GABRD: variants seen among roughly 807,000 people sequenced by gnomAD.
GABRD encodes the protein gamma-aminobutyric acid receptor subunit delta.
In GABRD, 25 loss-of-function variants were observed where a neutral mutation model predicts 47.3. That is an observed-to-expected ratio of 0.53 (90% CI 0.39 to 0.74). The LOEUF (loss-of-function observed/expected upper bound fraction) is 0.74. GABRD is among the 30% of genes least tolerant of loss of function. The pLI, the probability that GABRD is intolerant of heterozygous loss-of-function variation, is 0.00. For synonymous variants in GABRD, 314 were observed against 278.8 expected, an observed-to-expected ratio of 1.13 and a Z score of -1.26; for missense variants, 497 against 643.4, an observed-to-expected ratio of 0.77 and a Z score of 2.46.
In GABRD at chr1:2,027,563, GCTTGT is replaced by G; in HGVS notation, c.471-9_471-5del. 1 of 1,611,458 alleles carries G rather than the reference GCTTGT, an allele frequency of 6.2e-7. No individual in the cohort carries two copies. ...CTCACCCCCAAGGCCTCACTGCCAT[GCTTGT>G]CTTGGCAGAATCACCTCCACTGTGG... is the stretch of plus-strand genomic sequence containing the variant. On this transcript the variant is annotated splice_polypyrimidine_tract_variant and intron_variant, in intron 4 of 8. Transcript: ENST00000378585.
intron 1 of GABRD, among the ~76,000 whole-genome samples, chr1:2,023,052 G>A (rs1441039636): frequency 6.6e-6 from 1 of 152,184 alleles, no homozygotes; most frequent in Non-Finnish European, 1.5e-5. Flanking sequence ...ACGCACCTGA[G>A]GATAAAGTGT....
At chr1:2,022,142 C>T (rs1303798044) in intron 1 of GABRD, among the ~76,000 whole-genome samples, 3 of 152,194 alleles carry the variant, frequency 2.0e-5, no homozygotes, top group Non-Finnish European at 4.4e-5. Context: ...CCCAGGGCCA[C>T]CAGGTGAGGC....
At position 2,028,426 on chromosome 1, in the gene GABRD, C is replaced by A. The variant is rs1184551802; in HGVS notation, c.691+134C>A. 9.8e-7 allele frequency: 1 copy of A among 1,018,432 alleles called. No individual in the cohort carries two copies. The highest frequency in any genetic ancestry group is 1.3e-6 in the Non-Finnish European group (1 of 771,874). The allele number at this position is 1,018,432 out of a possible 1,614,324, so 63.1% of individuals were successfully genotyped here. The stretch of plus-strand genomic sequence containing the variant: ...GTTTTCATGCTTTTTAGTCAAGCGC[C>A]CGCAGGCCCCCAGGGCCTCTGGGGA... On this transcript the variant is annotated intron_variant, in intron 6 of 8. Transcript: ENST00000378585. This position sits in a 1 kb window ranked among gnomAD's most constrained non-coding sequence, Gnocchi z 6.4.
chr1:2,023,334 C>T (rs1330019535), intron 1 of GABRD, among the ~76,000 whole-genome samples: 6 of 151,720 alleles, frequency 4.0e-5, no homozygotes, highest in Non-Finnish European at 5.9e-5. Flanking sequence ...GGGTGCTGCA[C>T]GGGGTGGGGC....
chr1:2,030,689 C>G lies in GABRD; in HGVS notation c.*407C>G, dbSNP rs1335808879. Reference sequence around the variant, plus strand: ...ACGTCCATCCGGTGAACAGTGAAGGCGTTTGTGAGGTCTTTCTGGTCCCAG... The same window carrying G: ...ACGTCCATCCGGTGAACAGTGAAGGGGTTTGTGAGGTCTTTCTGGTCCCAG... On this transcript the variant is annotated 3_prime_UTR_variant, in exon 9 of 9. Transcript: ENST00000378585. The G allele has an allele frequency of 5.9e-6, 1 of 168,838 alleles. No individual in the cohort carries two copies. The highest frequency in any genetic ancestry group is 1.3e-5 in the Non-Finnish European group (1 of 79,816). The allele number at this position is 168,838 out of a possible 1,614,324, so 10.5% of individuals were successfully genotyped here.
chr1:2,025,838 C>A, intron 4 of GABRD, 100 bp downstream of exon 4: 1 of 1,056,494 alleles, frequency 9.5e-7, no homozygotes, highest in Non-Finnish European at 1.4e-6. Flanking sequence ...GCGGCTTCTG[C>A]TGCCGGGAGC....
chr1:2,019,476 A>G lies in GABRD; in HGVS notation c.53A>G (p.Gln18Arg). The change falls in exon 1 of 9, where the codon CAG becomes CGG. Residue 18 changes from glutamine (Q) to arginine (R), a missense_variant. Physicochemically the swap from Gln to Arg is conservative, Grantham distance 43. This residue lies in a region of GABRD where 91 missense variants were observed against 85.5 expected (regional missense o/e 1.06). Transcript: ENST00000378585. ...CCGCTCCTGCTCCTCTGCGCGCAGC[A>G]GCTCCGCGGCACCAGGTGAGCGGGC... ...LAPLLLLCAQ[Q>R]LRGTRAMNDI... The G allele has an allele frequency of 1.8e-6, 2 of 1,090,926 alleles. No individual in the cohort carries two copies. Among genetic ancestry groups the G allele is most frequent in the Non-Finnish European group, 2.2e-6 (2 of 900,202 alleles). The allele number at this position is 1,090,926 out of a possible 1,614,324, so 67.6% of individuals were successfully genotyped here.
rs202225187 is a variant in GABRD, at chr1:2,025,744, C to T, written c.470+6C>T. ...GTGATCCTGTACAGCATCCGGTGAG[C>T]GGGCTGCCCACCCGGACTCCGGGGG... On this transcript the variant is annotated splice_donor_region_variant and intron_variant, in intron 4 of 8. Coordinates refer to ENST00000378585, the MANE Select transcript of GABRD (RefSeq NM_000815.5). 1,407 of 1,609,530 alleles carry T rather than the reference C, an allele frequency of 8.7e-4. 1 individual carries two copies. The highest frequency in any genetic ancestry group is 1.1e-3 in the Non-Finnish European group (1,351 of 1,177,362).
At chr1:2,022,828 C>G (rs530154391) in intron 1 of GABRD, among the ~76,000 whole-genome samples, 92 of 152,358 alleles carry the variant, frequency 6.0e-4, no homozygotes, top group African/African-American at 2.0e-3. Context: ...CTCCAGCTGG[C>G]TCCTGCCAGA....
At chr1:2,026,648 A>G (rs1396348689) in intron 4 of GABRD, 1 of 152,046 alleles carries the variant, frequency 6.6e-6, no homozygotes, top group African/African-American at 2.4e-5. Flanking sequence ...ATCCTGGCCA[A>G]CATGGTGAAA....
intron 7 of GABRD, 123 bp from the exon 8 acceptor site, chr1:2,029,428 C>G (rs1011987771): frequency 1.4e-6 from 2 of 1,417,452 alleles, no homozygotes; most frequent in African/African-American, 2.8e-5. Context: ...ACAGGACCTG[C>G]TCCCTGGGGT....
Position 2,028,306 on chromosome 1 carries a change from G to A in GABRD, c.691+14G>A, listed in dbSNP as rs200682047. ...ACTTCAAGTCCGGTAACATATGCCC[G>A]CCGCCCCTTCCGCATGTGCCCGCCG... On this transcript the variant is annotated intron_variant, in intron 6 of 8. Coordinates refer to ENST00000378585, the MANE Select transcript of GABRD (RefSeq NM_000815.5). This position sits in a 1 kb window ranked among gnomAD's most constrained non-coding sequence, Gnocchi z 6.4. The A allele has an allele frequency of 7.0e-5, 112 of 1,601,812 alleles. No homozygotes were observed. In the African/African-American group the frequency reaches 7.1e-4, roughly 10 times the overall value.
At position 2,028,266 on chromosome 1, in the gene GABRD, C is replaced by A; in HGVS notation, c.665C>A (p.Thr222Asn). 1 of 1,612,016 alleles carries A rather than the reference C, an allele frequency of 6.2e-7. No individual in the cohort carries two copies. The highest frequency in any genetic ancestry group is 1.1e-5 in the South Asian group (1 of 91,006). ...AQFTITSYRF[T>N]TELMNFKSAG... ...TTCACCATCACCAGCTACCGCTTCA[C>A]CACGGAGCTGATGAACTTCAAGTCC... Residue 222 changes from threonine to asparagine, a missense_variant, in exon 6 of 9, where the codon ACC becomes AAC. Physicochemically the swap from Thr to Asn is moderately conservative, Grantham distance 65. Around this residue, in one of 3 missense-constraint regions of GABRD, gnomAD observed 285 missense variants for 436.6 expected, o/e 0.65. Coordinates refer to ENST00000378585, the MANE Select transcript of GABRD (RefSeq NM_000815.5). The surrounding 1 kb of genome is among the most constrained non-coding windows in gnomAD (Gnocchi z 6.4).
intron 7 of GABRD, 142 bp from the exon 8 acceptor site, chr1:2,029,409 G>A (rs1034995968): frequency 1.5e-6 from 2 of 1,376,412 alleles, no homozygotes; most frequent in African/African-American, 2.9e-5. Flanking sequence ...GCCAGGCCAG[G>A]TCAGGGAAAC....
At position 2,028,109 on chromosome 1, in the gene GABRD, G is replaced by T. The variant is rs766747381; in HGVS notation, c.554-46G>T. On this transcript the variant is annotated intron_variant, in intron 5 of 8. Coordinates refer to ENST00000378585, the MANE Select transcript of GABRD (RefSeq NM_000815.5). The surrounding 1 kb of genome is among the most constrained non-coding windows in gnomAD (Gnocchi z 6.4). The stretch of plus-strand genomic sequence containing the variant: ...ACGGAGCGCTCCTGCCAGGGCTCCC[G>T]GGGCAGGGCCGGGCTCTGCCGCCCA... 8 of 1,584,334 alleles carry T rather than the reference G, an allele frequency of 5.0e-6. No individual in the cohort carries two copies. Among genetic ancestry groups the T allele is most frequent in the Non-Finnish European group, 6.0e-6 (7 of 1,161,396 alleles).
In GABRD at chr1:2,028,885, C is replaced by T; in HGVS notation, c.692-226C>T. 1.7e-6 allele frequency: 1 copy of T among 592,654 alleles called. No individual in the cohort carries two copies. Among genetic ancestry groups the T allele is most frequent in the Non-Finnish European group, 3.0e-6 (1 of 338,912 alleles). The allele number at this position is 592,654 out of a possible 1,614,324, so 36.7% of individuals were successfully genotyped here. A position where few individuals can be genotyped will look rare whatever the true frequency, so the allele number is the denominator to read the frequency against. On this transcript the variant is annotated intron_variant, in intron 6 of 8. Coordinates refer to ENST00000378585, the MANE Select transcript of GABRD (RefSeq NM_000815.5). The surrounding 1 kb of genome is among the most constrained non-coding windows in gnomAD (Gnocchi z 6.4). ...CCAGCAGTAACCTCAGCCTCTCTCC[C>T]TCTCCTCTGGGTGACACTGCTCAGG...
In GABRD at chr1:2,030,669, C is replaced by G; in HGVS notation, c.*387C>G. On this transcript the variant is annotated 3_prime_UTR_variant, in exon 9 of 9. Coordinates refer to ENST00000378585, the MANE Select transcript of GABRD (RefSeq NM_000815.5). ...GTGGGAGGAGGTGGGGGTGGACGTC[C>G]ATCCGGTGAACAGTGAAGGCGTTTG... The G allele has an allele frequency of 5.5e-6, 1 of 183,480 alleles. No homozygotes were observed. Among genetic ancestry groups the G allele is most frequent in the Admixed American group, 6.1e-5 (1 of 16,370 alleles). The allele number at this position is 183,480 out of a possible 1,614,324, so 11.4% of individuals were successfully genotyped here. A position where few individuals can be genotyped will look rare whatever the true frequency, so the allele number is the denominator to read the frequency against.
intron 1 of GABRD, 116 bp from the exon 2 acceptor site, chr1:2,024,825 GC>G (rs1557444757): frequency 1.4e-5 from 10 of 701,404 alleles, no homozygotes; most frequent in Admixed American, 2.6e-5. Context: ...TCCCACAGTG[GC>G]CCCCCATGCC....
intron 1 of GABRD, chr1:2,024,720 C>A: frequency 2.3e-6 from 1 of 433,108 alleles, no homozygotes; most frequent in Non-Finnish European, 4.2e-6. Flanking sequence ...AGGAGGAAGC[C>A]AGGTCAGGGC....
Sources: allele counts gnomAD v4.1 joint callset (sites outside exome capture counted in the v4.1 genomes callset), GRCh38; gene constraint gnomAD v4.1.1; regional missense constraint gnomAD v4.1.1; non-coding constraint Gnocchi (gnomAD v3.1); transcripts MANE v1.5; gene names NCBI Gene and HGNC (gene_info 2026-07-23, HGNC 2026-07-21).